The following KREMEN1 variants were observed in gnomAD, a reference collection of about 807,000 sequenced individuals.
The protein encoded by KREMEN1 is kremen protein 1.
A neutral mutation model predicts 46.5 loss-of-function variants in KREMEN1; 30 were observed. The ratio of observed to expected loss-of-function variants is 0.65; its 90% CI spans 0.48 to 0.88. The LOEUF is 0.88. KREMEN1 is among the 40% of genes least tolerant of loss of function. The pLI is 0.00. For synonymous variants in KREMEN1, 214 were observed against 230.6 expected, an observed-to-expected ratio of 0.93 and a Z score of 0.65; for missense variants, 533 against 596.9, an observed-to-expected ratio of 0.89 and a Z score of 1.11.
Position 29,143,081 on chromosome 22 carries a change from C to A in KREMEN1, c.*969C>A. ...AGAAGAACAGCTTGAACCCAGGAGG[C>A]TGAGATTGCAGTGAGCCGAGATCGC... On this transcript the variant is annotated 3_prime_UTR_variant, in exon 9 of 9. Coordinates refer to ENST00000400335, the MANE Select transcript of KREMEN1 (RefSeq NM_001039570.3). 4 of 613,008 alleles carry A rather than the reference C, an allele frequency of 6.5e-6. No homozygotes were observed. The highest frequency in any genetic ancestry group is 6.1e-6 in the Non-Finnish European group (3 of 489,820). The allele number at this position is 613,008 out of a possible 1,614,324, so 38.0% of individuals were successfully genotyped here.
chr22:29,136,963 T>G (rs132277), intron 5 of KREMEN1, among the ~76,000 whole-genome samples: 75,407 of 152,056 alleles, frequency 0.5, 22,489 homozygotes, highest in East Asian at 0.67. Context: ...CCATCACACA[T>G]TCCCGTGATA....
intron 1 of KREMEN1, among the ~76,000 whole-genome samples, chr22:29,091,744 T>G (rs558386961): frequency 6.6e-6 from 1 of 152,322 alleles, no homozygotes; most frequent in Non-Finnish European, 1.5e-5. Flanking sequence ...TCTCTCTCTC[T>G]CTCTTTCTCT....
At position 29,146,287 on chromosome 22, in the gene KREMEN1, G is replaced by A. The variant is rs968229382; in HGVS notation, c.*4175G>A. On this transcript the variant is annotated 3_prime_UTR_variant, in exon 9 of 9. Transcript: ENST00000400335. ...TTCCCTGGTGTGGGGTGTTTTTCAA[G>A]CCTTCCAGCCACAGCTGTCTCCCCT... is the stretch of plus-strand genomic sequence containing the variant. 1 of 985,906 alleles carries A rather than the reference G, an allele frequency of 1.0e-6. No homozygotes were observed. The highest frequency in any genetic ancestry group is 1.2e-6 in the Non-Finnish European group (1 of 830,002). The allele number at this position is 985,906 out of a possible 1,614,324, so 61.1% of individuals were successfully genotyped here. A position where few individuals can be genotyped will look rare whatever the true frequency, so the allele number is the denominator to read the frequency against.
intron 9 of KREMEN1, among the ~76,000 whole-genome samples, chr22:29,160,771 A>G (rs2039003988): frequency 6.6e-6 from 1 of 152,206 alleles, no homozygotes; most frequent in African/African-American, 2.4e-5. Flanking sequence ...GCCTACCTCA[A>G]GAAGTTAGAC....
chr22:29,130,009 C>T (rs2038509193), intron 5 of KREMEN1, among the ~76,000 whole-genome samples: 1 of 152,226 alleles, frequency 6.6e-6, no homozygotes, highest in Admixed American at 6.5e-5. Flanking sequence ...TGTTGGGACT[C>T]CCTTGGCTTC....
In KREMEN1 at chr22:29,156,431, T is replaced by G. The variant is rs184674134; in HGVS notation, c.1417-10613T>G. ...AGACAATGGGTGCCAAGTTGGTAAT[T>G]AACCCTCAGCAACCAGGGCGTCTGA... On this transcript the variant is annotated intron_variant, in intron 9 of 9. Transcript: ENST00000327813. Among the ~76,000 whole-genome samples, 5 of 152,364 alleles carry G rather than the reference T, an allele frequency of 3.3e-5. No homozygotes were observed. In the East Asian group the frequency reaches 9.6e-4, roughly 29 times the overall value.
At chr22:29,130,041 A>G (rs2038509575) in intron 5 of KREMEN1, among the ~76,000 whole-genome samples, 1 of 152,262 alleles carries the variant, frequency 6.6e-6, no homozygotes, top group South Asian at 2.1e-4. Context: ...GGGAGGGGTC[A>G]GTCATCTGGA....
chr22:29,139,721 C>T (rs188260313), intron 7 of KREMEN1, among the ~76,000 whole-genome samples: 367 of 152,270 alleles, frequency 2.4e-3, no homozygotes, highest in Non-Finnish European at 4.4e-3. Context: ...TGCAGTGAGC[C>T]AAGGAAGTGA....
rs139199121 is a variant in KREMEN1 at position 29,087,288 on chromosome 22, G to A, written c.98-6970G>A. 9.2e-5 allele frequency among the ~76,000 whole-genome samples: 14 copies of A among 152,140 alleles called. No homozygotes were observed. In the East Asian group the frequency reaches 2.3e-3, roughly 25 times the overall value. ...AACATAAGATCAGTAGAAGTGCTAA[G>A]CGGTCCCACAGAGAACAGAGACTTA... On this transcript the variant is annotated intron_variant, in intron 1 of 8. Transcript: ENST00000400335.
intron 3 of KREMEN1, among the ~76,000 whole-genome samples, chr22:29,109,950 A>G (rs2038118851): frequency 6.6e-6 from 1 of 152,210 alleles, no homozygotes; most frequent in African/African-American, 2.4e-5. Context: ...CCCTGAAAAA[A>G]AAAGTCCAAG....
intron 5 of KREMEN1, chr22:29,133,944 T>C (rs528797517): frequency 7.2e-5 from 11 of 152,214 alleles, no homozygotes; most frequent in Non-Finnish European, 1.2e-4. Flanking sequence ...TATTGACCTG[T>C]CTTCATGTTT....
At chr22:29,085,040 G>C (rs1047974849) in intron 1 of KREMEN1, among the ~76,000 whole-genome samples, 1 of 152,114 alleles carries the variant, frequency 6.6e-6, no homozygotes, top group African/African-American at 2.4e-5. Flanking sequence ...CTCGTTCTAT[G>C]GTCATTTGGC....
intron 3 of KREMEN1, among the ~76,000 whole-genome samples, chr22:29,103,606 T>G (rs8141812): frequency 0.03 from 4,581 of 152,278 alleles, 201 homozygotes; most frequent in African/African-American, 0.094. Flanking sequence ...TTCCAACGTC[T>G]TCGGGTTTAA....
intron 3 of KREMEN1, among the ~76,000 whole-genome samples, chr22:29,116,463 C>T (rs954243602): frequency 1.3e-5 from 2 of 152,130 alleles, no homozygotes; most frequent in African/African-American, 4.8e-5. Flanking sequence ...GGTCTGATTC[C>T]CAGTGATCTA....
chr22:29,158,184 A>G, intron 9 of KREMEN1, among the ~76,000 whole-genome samples: 2 of 152,306 alleles, frequency 1.3e-5, no homozygotes, highest in Middle Eastern at 6.8e-3. Flanking sequence ...ACACGGGTAA[A>G]ACACGGGGTA....
chr22:29,099,091 G>A (rs134665), intron 3 of KREMEN1, 138 bp downstream of exon 3: 294,727 of 627,800 alleles, frequency 0.47, 74,687 homozygotes, highest in Middle Eastern at 0.61. Flanking sequence ...CATCCTGGGC[G>A]AGGATTTTCA....
At chr22:29,104,941 G>C (rs1165794370) in intron 3 of KREMEN1, among the ~76,000 whole-genome samples, 1 of 152,178 alleles carries the variant, frequency 6.6e-6, no homozygotes, top group Non-Finnish European at 1.5e-5. Flanking sequence ...ATATTTAGAA[G>C]TTATTAGTTG....
At chr22:29,075,933 C>A (rs1467093457) in intron 1 of KREMEN1, among the ~76,000 whole-genome samples, 1 of 152,206 alleles carries the variant, frequency 6.6e-6, no homozygotes, top group Non-Finnish European at 1.5e-5. Flanking sequence ...AATCCTACTT[C>A]TAATTACAAT....
intron 3 of KREMEN1, among the ~76,000 whole-genome samples, chr22:29,120,549 T>G (rs2038335936): frequency 9.4e-5 from 9 of 95,562 alleles, no homozygotes; most frequent in East Asian, 3.6e-4. Flanking sequence ...GAGGGAGAGG[T>G]GACGATGGAA....
Sources: allele counts gnomAD v4.1 joint callset (sites outside exome capture counted in the v4.1 genomes callset), GRCh38; gene constraint gnomAD v4.1.1; transcripts MANE v1.5; gene names NCBI Gene and HGNC (gene_info 2026-07-23, HGNC 2026-07-21).